ZNF385D: variants seen among roughly 807,000 people sequenced by gnomAD.
ZNF385D encodes the protein zinc finger protein 385D, also known as zinc finger protein 659.
A neutral mutation model predicts 35.8 loss-of-function variants in ZNF385D; 15 were observed. That is an observed-to-expected ratio of 0.42 (90% CI 0.28 to 0.64). ZNF385D has a LOEUF of 0.64. Among genes scored for constraint, ZNF385D ranks in the 30% least tolerant of loss-of-function variants. The pLI is 0.23. For missense variants in ZNF385D, 474 were observed against 494.6 expected (o/e 0.96, Z 0.39); for synonymous variants, 212 against 186.8 (o/e 1.13, Z -1.10).
intron 3 of ZNF385D, among the ~76,000 whole-genome samples, chr3:22,074,675 T>C (rs1576271575): frequency 6.6e-6 from 1 of 151,946 alleles, no homozygotes; most frequent in African/African-American, 2.4e-5. Flanking sequence ...GCTCCCATTC[T>C]CCAATGAGGG....
intron 2 of ZNF385D, among the ~76,000 whole-genome samples, chr3:22,278,511 T>G (rs1483865242): frequency 6.6e-6 from 1 of 152,154 alleles, no homozygotes; most frequent in Non-Finnish European, 1.5e-5. Context: ...GACTTTCCGA[T>G]AACTAAAGTA....
intron 3 of ZNF385D, among the ~76,000 whole-genome samples, chr3:21,834,932 G>A (rs553354330): frequency 1.3e-5 from 2 of 152,226 alleles, no homozygotes; most frequent in East Asian, 1.9e-4. Context: ...TCCCAGTCAT[G>A]TAGAATGGTG....
intron 4 of ZNF385D, among the ~76,000 whole-genome samples, chr3:21,446,747 C>T (rs945639652): frequency 6.6e-6 from 1 of 152,002 alleles, no homozygotes; most frequent in Non-Finnish European, 1.5e-5. Context: ...CCCTCCTCAG[C>T]CTCCCAAAGT....
chr3:22,328,148 C>T (rs1694763880), intron 2 of ZNF385D, among the ~76,000 whole-genome samples: 1 of 151,962 alleles, frequency 6.6e-6, no homozygotes, highest in Admixed American at 6.6e-5. Context: ...GAGATTACTG[C>T]TCCATTTGCA....
intron 2 of ZNF385D, among the ~76,000 whole-genome samples, chr3:22,334,229 T>TC (rs1227498147): frequency 3.3e-5 from 5 of 152,174 alleles, no homozygotes; most frequent in Non-Finnish European, 5.9e-5. Flanking sequence ...TGTTACTTTT[T>TC]CTCACCTTTT....
chr3:21,428,562 G>GCACCCC (rs1701130855), intron 5 of ZNF385D, among the ~76,000 whole-genome samples: 1 of 151,464 alleles, frequency 6.6e-6, no homozygotes, highest in Non-Finnish European at 1.5e-5. Flanking sequence ...TTCCATCCCC[G>GCACCCC]CACCCCCACC....
intron 4 of ZNF385D, among the ~76,000 whole-genome samples, chr3:21,494,531 G>T (rs1705676334): frequency 6.6e-6 from 1 of 152,172 alleles, no homozygotes; most frequent in Admixed American, 6.6e-5. Flanking sequence ...ACAGGAGACA[G>T]CAAGGCAAAG....
chr3:21,735,641 G>A (rs1180956629), intron 1 of ZNF385D, among the ~76,000 whole-genome samples: 1 of 152,148 alleles, frequency 6.6e-6, no homozygotes, highest in African/African-American at 2.4e-5. Flanking sequence ...TTTCTACACA[G>A]CATTCCTAAT....
intron 2 of ZNF385D, among the ~76,000 whole-genome samples, chr3:22,280,959 T>C (rs2638147): frequency 0.56 from 85,773 of 151,878 alleles, 26,351 homozygotes; most frequent in African/African-American, 0.83. Context: ...CTTTGTTAAG[T>C]ATATTCCTAC....
intron 2 of ZNF385D, among the ~76,000 whole-genome samples, chr3:21,618,740 A>G (rs1183354790): frequency 6.6e-6 from 1 of 152,180 alleles, no homozygotes; most frequent in East Asian, 1.9e-4. Flanking sequence ...TTAAAGAACA[A>G]AAGTCTACCC....
rs528057768 is a variant in ZNF385D at position 21,811,654 on chromosome 3, G to A, written c.326-146626C>T. 2.6e-5 allele frequency among the ~76,000 whole-genome samples: 4 copies of A among 152,220 alleles called. No individual in the cohort carries two copies. In the East Asian group the frequency reaches 5.8e-4, roughly 22 times the overall value. On this transcript the variant is annotated intron_variant, in intron 3 of 5. Transcript: ENST00000494108. The stretch of plus-strand genomic sequence containing the variant: ...AGCTAGCATTTATTTATCCTATACT[G>A]TATAAACTGTATAGTTTACAAAAAC...
chr3:21,907,678 T>TTAC (rs1270635615), intron 3 of ZNF385D, among the ~76,000 whole-genome samples: 1 of 152,130 alleles, frequency 6.6e-6, no homozygotes. Flanking sequence ...TTCCTAAAGG[T>TTAC]TACTCATCCA....
At chr3:22,036,958 T>C (rs533689089) in intron 3 of ZNF385D, among the ~76,000 whole-genome samples, 21 of 149,130 alleles carry the variant, frequency 1.4e-4, no homozygotes, top group African/African-American at 4.2e-4. Context: ...TGAGAACATG[T>C]GGTGTTTGGT....
At chr3:21,640,494 A>G (rs2065572728) in intron 2 of ZNF385D, among the ~76,000 whole-genome samples, 2 of 151,966 alleles carry the variant, frequency 1.3e-5, no homozygotes, top group Non-Finnish European at 2.9e-5. Flanking sequence ...GACCTTTGGG[A>G]GGTAATTAGG....
Position 21,501,653 on chromosome 3 carries a change from A to G in ZNF385D, c.439+9208T>C, listed in dbSNP as rs183652350. On this transcript the variant is annotated intron_variant, in intron 4 of 7. Coordinates refer to ENST00000281523, the MANE Select transcript of ZNF385D (RefSeq NM_024697.3). ...ATTTGACATTCTGTCATATTTTATCATTGTTCAACTCTTTTGTAATATTTA... is the reference window on the plus strand; with the variant it reads ...ATTTGACATTCTGTCATATTTTATCGTTGTTCAACTCTTTTGTAATATTTA... 1.2e-4 allele frequency among the ~76,000 whole-genome samples: 18 copies of G among 152,338 alleles called. 1 individual carries two copies. In the East Asian group the frequency reaches 1.3e-3, roughly 11 times the overall value.
chr3:22,129,961 G>A (rs1482821796), intron 3 of ZNF385D, among the ~76,000 whole-genome samples: 1 of 152,114 alleles, frequency 6.6e-6, no homozygotes, highest in Non-Finnish European at 1.5e-5. Context: ...TCTTTCCCAA[G>A]GCCCATGGCG....
chr3:21,926,896 A>G (rs1351955531), intron 3 of ZNF385D, among the ~76,000 whole-genome samples: 2 of 152,174 alleles, frequency 1.3e-5, no homozygotes, highest in Non-Finnish European at 2.9e-5. Context: ...TTTGCAGTCT[A>G]TCCCTCTGAC....
intron 3 of ZNF385D, among the ~76,000 whole-genome samples, chr3:22,124,638 G>A (rs759061631): frequency 6.6e-6 from 1 of 151,952 alleles, no homozygotes; most frequent in Non-Finnish European, 1.5e-5. Flanking sequence ...GTAATATATC[G>A]CTGTAGTTTG....
intron 2 of ZNF385D, among the ~76,000 whole-genome samples, chr3:21,565,824 AG>A (rs2063125612): frequency 1.3e-5 from 2 of 152,240 alleles, no homozygotes; most frequent in Admixed American, 1.3e-4. Context: ...AGATTGAGAT[AG>A]ATCAGAAATT....
Sources: gnomAD v4.1 joint callset for allele counts (sites outside exome capture counted in the v4.1 genomes callset) on GRCh38, gnomAD v4.1.1 for gene constraint, MANE v1.5 for transcripts, NCBI Gene and HGNC (gene_info 2026-07-23, HGNC 2026-07-21) for gene names.